The following CLNS1A variants were observed in gnomAD, a reference collection of about 807,000 sequenced individuals.
CLNS1A encodes the protein chloride nucleotide-sensitive channel 1A.
A neutral mutation model predicts 29.4 loss-of-function variants in CLNS1A; 16 were observed. The ratio of observed to expected loss-of-function variants is 0.54; its 90% CI spans 0.37 to 0.83. The LOEUF (loss-of-function observed/expected upper bound fraction) is 0.83, where lower values mean the gene tolerates loss of function less well. CLNS1A is among the 40% of genes least tolerant of loss of function. CLNS1A has a pLI of 0.00. For missense variants in CLNS1A, 235 were observed against 287.4 expected, an observed-to-expected ratio of 0.82 and a Z score of 1.32; for synonymous variants, 96 against 104.8, an observed-to-expected ratio of 0.92 and a Z score of 0.51.
intron 1 of CLNS1A, among the ~76,000 whole-genome samples, chr11:77,637,243 T>TAAAAAAAAAAAAAAAAAAAAAAAAA (rs747109219): frequency 1.6e-4 from 7 of 43,128 alleles, no homozygotes; most frequent in Non-Finnish European, 1.8e-4. Flanking sequence ...ATAGGCGAGT[T>TAAAAAAAAAAAAAAAAAAAAAAAAA]AAAAAAAAAA....
At chr11:77,636,739 G>T (rs1266031395) in intron 1 of CLNS1A, among the ~76,000 whole-genome samples, 3 of 152,158 alleles carry the variant, frequency 2.0e-5, no homozygotes, top group Admixed American at 6.5e-5. Context: ...GCTCTTAAAA[G>T]TAGAGAATTT....
chr11:77,635,217 A>G (rs557372853), intron 1 of CLNS1A, among the ~76,000 whole-genome samples: 14 of 152,350 alleles, frequency 9.2e-5, no homozygotes, highest in African/African-American at 3.4e-4. Context: ...CAGGAAGTGG[A>G]AAACGTCGAC....
At chr11:77,630,673 C>T (rs1212961496) in intron 1 of CLNS1A, among the ~76,000 whole-genome samples, 8 of 152,224 alleles carry the variant, frequency 5.3e-5, no homozygotes, top group Admixed American at 5.2e-4. Flanking sequence ...GGAAACACAT[C>T]ACCAAAATCA....
rs1933458724 is a variant in CLNS1A, at chr11:77,622,558, C to T, written c.588G>A (p.Val196=). 2 of 1,613,370 alleles carry T rather than the reference C, an allele frequency of 1.2e-6. No individual in the cohort carries two copies. Among genetic ancestry groups the T allele is most frequent in the Non-Finnish European group, 8.5e-7 (1 of 1,179,794 alleles). ...ERLEGMLSQS[V]SSQYNMAGVR... is the part of the protein sequence containing the mutation. Reference sequence around the variant, plus strand: ...CCCCAGCCATATTATACTGGCTGCTCACAGACTGAGAAAGCATTCCTTCTA... The same window carrying T: ...CCCCAGCCATATTATACTGGCTGCTTACAGACTGAGAAAGCATTCCTTCTA... Residue 196 remains valine (V), a synonymous_variant, in exon 5 of 7, where the codon GTG becomes GTA. Coordinates refer to ENST00000525428, the MANE Select transcript of CLNS1A (RefSeq NM_001293.3).
chr11:77,631,129 T>C (rs1959069419), intron 1 of CLNS1A, among the ~76,000 whole-genome samples: 1 of 152,138 alleles, frequency 6.6e-6, no homozygotes, highest in African/African-American at 2.4e-5. Context: ...ACAATGACAG[T>C]GTGACAGTCT....
intron 2 of CLNS1A, among the ~76,000 whole-genome samples, chr11:77,626,577 T>C (rs899594700): frequency 9.9e-5 from 15 of 151,210 alleles, no homozygotes; most frequent in African/African-American, 3.6e-4. Context: ...AGGTGGAGGT[T>C]GCAGTGAGCC....
intron 6 of CLNS1A, among the ~76,000 whole-genome samples, chr11:77,617,896 C>T (rs1382630177): frequency 1.4e-5 from 2 of 147,866 alleles, no homozygotes; most frequent in Non-Finnish European, 3.0e-5. Context: ...CCAGCTTGGG[C>T]GACAGAGCGA....
intron 5 of CLNS1A, chr11:77,622,082 C>T (rs918318053): frequency 1.1e-5 from 5 of 456,364 alleles, no homozygotes; most frequent in Non-Finnish European, 2.2e-5. Context: ...TCAGAGATAA[C>T]CTATCGTGGA....
At position 77,624,875 on chromosome 11, in the gene CLNS1A, C is replaced by G. The variant is rs757428153; in HGVS notation, c.472+88G>C. 3 of 785,568 alleles carry G rather than the reference C, an allele frequency of 3.8e-6. No homozygotes were observed. In the Admixed American group the frequency reaches 7.3e-5, roughly 19 times the overall value. 48.7% of individuals were successfully genotyped at this position (785,568 alleles called of 1,614,324 possible). On this transcript the variant is annotated intron_variant, in intron 4 of 6. Transcript: ENST00000525428. ...GCATACTTTACAGTCATATAAAGAACTATAATCCTCTACCCTTAATACAAA... is the reference window on the plus strand; with the variant it reads ...GCATACTTTACAGTCATATAAAGAAGTATAATCCTCTACCCTTAATACAAA...
At position 77,625,784 on chromosome 11, in the gene CLNS1A, CTCT is replaced by C. The variant is rs773032900; in HGVS notation, c.294_296del (p.Glu100del). On this transcript the variant is annotated inframe_deletion, in exon 3 of 7. Transcript: ENST00000525428. The stretch of plus-strand genomic sequence containing the variant: ...GTTCAACATCATCATCACTGTCTTC[CTCT>C]TCTTCATCAGCAACAGGTTCTTTTG... The C allele has an allele frequency of 1.2e-5, 20 of 1,602,420 alleles. No individual in the cohort carries two copies. The highest frequency in any genetic ancestry group is 1.7e-5 in the Non-Finnish European group (20 of 1,169,710).
intron 5 of CLNS1A, among the ~76,000 whole-genome samples, chr11:77,620,218 G>A (rs1383449149): frequency 1.3e-5 from 2 of 152,098 alleles, no homozygotes; most frequent in Non-Finnish European, 2.9e-5. Context: ...TCTGGTGGGA[G>A]GTAACTGAAT....
At chr11:77,625,840 T>TA in intron 2 of CLNS1A, 22 bp from the exon 3 acceptor site, 1 of 1,505,894 alleles carries the variant, frequency 6.6e-7, no homozygotes, top group Non-Finnish European at 9.1e-7. Context: ...AATACCCTTT[T>TA]AATGTCATTA....
At chr11:77,630,787 CAA>C (rs1017321584) in intron 1 of CLNS1A, among the ~76,000 whole-genome samples, 1 of 146,620 alleles carries the variant, frequency 6.8e-6, no homozygotes, top group Non-Finnish European at 1.5e-5. Context: ...CTGAAGAAGT[CAA>C]AAAAAAAATG....
chr11:77,624,539 GC>G (rs1232228021), intron 4 of CLNS1A, among the ~76,000 whole-genome samples: 1 of 152,166 alleles, frequency 6.6e-6, no homozygotes, highest in African/African-American at 2.4e-5. Flanking sequence ...AATCTTACCA[GC>G]CAGGCACAGT....
intron 1 of CLNS1A, among the ~76,000 whole-genome samples, chr11:77,634,702 C>A (rs1017867693): frequency 2.3e-5 from 3 of 129,708 alleles, no homozygotes; most frequent in Non-Finnish European, 3.1e-5. Context: ...CCAGCCTGGG[C>A]GACAGAACAA....
At chr11:77,631,553 G>A (rs1300960620) in intron 1 of CLNS1A, among the ~76,000 whole-genome samples, 2 of 151,866 alleles carry the variant, frequency 1.3e-5, no homozygotes, top group African/African-American at 4.8e-5. Context: ...TCCTGACCTC[G>A]TGATCCACCC....
chr11:77,631,715 G>T (rs1443629863), intron 1 of CLNS1A, among the ~76,000 whole-genome samples: 1 of 151,582 alleles, frequency 6.6e-6, no homozygotes, highest in Non-Finnish European at 1.5e-5. Context: ...AAAAGTAAAG[G>T]AAAACTAGGA....
chr11:77,636,554 A>G (rs184910655), intron 1 of CLNS1A, among the ~76,000 whole-genome samples: 2 of 152,196 alleles, frequency 1.3e-5, no homozygotes, highest in East Asian at 1.9e-4. Flanking sequence ...TGTGCTCTGG[A>G]TTCTGTAGTA....
At chr11:77,629,469 C>CT (rs1959052843) in intron 2 of CLNS1A, among the ~76,000 whole-genome samples, 1 of 151,608 alleles carries the variant, frequency 6.6e-6, no homozygotes, top group African/African-American at 2.4e-5. Flanking sequence ...TCTCGGCTCA[C>CT]TACAAGCTCC....
Sources: allele counts gnomAD v4.1 joint callset (sites outside exome capture counted in the v4.1 genomes callset), GRCh38; gene constraint gnomAD v4.1.1; transcripts MANE v1.5; gene names NCBI Gene and HGNC (gene_info 2026-07-23, HGNC 2026-07-21).